Variants in HPSE2 observed in about 807,000 individuals in gnomAD.
HPSE2 encodes heparanase 2 (inactive), also known as inactive heparanase-2.
HPSE2 carries 38 observed loss-of-function variants against 60.5 expected under a neutral mutation model. The observed-to-expected ratio is 0.63, with a 90% confidence interval of 0.48 to 0.82. HPSE2 has a LOEUF of 0.82. Ranked by LOEUF, HPSE2 falls within the 40% of genes least tolerant of loss-of-function variation. The probability of loss-of-function intolerance (pLI) is 0.00; values close to 1 mark genes in which losing one functional copy is unlikely to be tolerated. For synonymous variants in HPSE2, 295 were observed against 293.2 expected (o/e 1.01, Z -0.06); for missense variants, 713 against 740.4 (o/e 0.96, Z 0.43).
At chr10:98,880,633 T>C (rs2134878537) in intron 3 of HPSE2, among the ~76,000 whole-genome samples, 1 of 152,164 alleles carries the variant, frequency 6.6e-6, no homozygotes, top group East Asian at 1.9e-4. Context: ...TCCTTTTGAT[T>C]ATCAAGTATA....
At chr10:98,699,767 T>G (rs1202437214) in intron 5 of HPSE2, among the ~76,000 whole-genome samples, 4 of 128,166 alleles carry the variant, frequency 3.1e-5, no homozygotes, top group African/African-American at 1.1e-4. Context: ...CAAAATCTCC[T>G]TAAGCTGATA....
At chr10:99,253,734 C>A in the HPSE2 span, among the ~76,000 whole-genome samples, 4 of 152,028 alleles carry the variant, frequency 2.6e-5, no homozygotes, top group Admixed American at 2.0e-4. Context: ...TATCCAGAAT[C>A]TATAAGGAAC....
At chr10:98,763,107 A>G (rs1049170418) in intron 3 of HPSE2, among the ~76,000 whole-genome samples, 1 of 152,108 alleles carries the variant, frequency 6.6e-6, no homozygotes, top group African/African-American at 2.4e-5. Context: ...ACAGAAGAAA[A>G]AAATCAATAA....
At chr10:98,462,123 A>C (rs1368351732) in intron 11 of HPSE2, among the ~76,000 whole-genome samples, 1 of 152,250 alleles carries the variant, frequency 6.6e-6, no homozygotes, top group Non-Finnish European at 1.5e-5. Context: ...CTTTGAAAGC[A>C]TAATGAACCA....
intron 3 of HPSE2, among the ~76,000 whole-genome samples, chr10:98,771,418 G>A (rs575521248): frequency 1.3e-5 from 2 of 152,218 alleles, no homozygotes; most frequent in South Asian, 4.1e-4. Context: ...TCCCTAATAA[G>A]AGGTAGCACC....
chr10:99,095,038 A>C (rs562541256), intron 3 of HPSE2, among the ~76,000 whole-genome samples: 1 of 152,118 alleles, frequency 6.6e-6, no homozygotes, highest in South Asian at 2.1e-4. Context: ...AAATTTAAAA[A>C]TTAGCTGAGT....
At chr10:99,155,712 A>G (rs1219811946) in intron 2 of HPSE2, among the ~76,000 whole-genome samples, 1 of 150,606 alleles carries the variant, frequency 6.6e-6, no homozygotes, top group East Asian at 2.0e-4. Flanking sequence ...GCAAGAGCAA[A>G]CACATTCAAA....
At chr10:98,936,451 T>A (rs774557898) in intron 3 of HPSE2, among the ~76,000 whole-genome samples, 2 of 143,062 alleles carry the variant, frequency 1.4e-5, no homozygotes, top group Admixed American at 7.0e-5. Flanking sequence ...AATCTCCTAA[T>A]CCCCAGATAG....
chr10:98,501,268 T>G (rs2133710320), intron 9 of HPSE2, among the ~76,000 whole-genome samples: 1 of 152,168 alleles, frequency 6.6e-6, no homozygotes, highest in East Asian at 1.9e-4. Flanking sequence ...ACCAATATCC[T>G]TGATGAACAT....
the HPSE2 span, among the ~76,000 whole-genome samples, chr10:99,268,906 G>C: frequency 7.0e-3 from 1,059 of 152,052 alleles, 12 homozygotes; most frequent in African/African-American, 0.024. Flanking sequence ...TGTAATCCCA[G>C]TACTTTTGGG....
intron 9 of HPSE2, among the ~76,000 whole-genome samples, chr10:98,577,570 C>T (rs1320891378): frequency 6.6e-6 from 1 of 152,224 alleles, no homozygotes; most frequent in African/African-American, 2.4e-5. Context: ...TTTGTCCTTG[C>T]TCTTCTGAGG....
chr10:99,093,052 A>G (rs1843573180), intron 3 of HPSE2, among the ~76,000 whole-genome samples: 1 of 152,070 alleles, frequency 6.6e-6, no homozygotes, highest in African/African-American at 2.4e-5. Context: ...ACATAGTGAA[A>G]CCGCATCTCT....
chr10:98,669,290 G>A (rs1947447635), intron 6 of HPSE2, among the ~76,000 whole-genome samples: 2 of 152,182 alleles, frequency 1.3e-5, no homozygotes, highest in African/African-American at 4.8e-5. Context: ...TTGTGGGAAC[G>A]CAAATCAGTT....
At chr10:98,911,149 A>G (rs17471911) in intron 3 of HPSE2, among the ~76,000 whole-genome samples, 6,806 of 152,300 alleles carry the variant, frequency 0.045, 219 homozygotes, top group Non-Finnish European at 0.072. Context: ...GACCTCAACA[A>G]ATGTGGCTGT....
At chr10:98,847,413 T>C (rs1348707061) in intron 3 of HPSE2, among the ~76,000 whole-genome samples, 1 of 152,222 alleles carries the variant, frequency 6.6e-6, no homozygotes, top group Non-Finnish European at 1.5e-5. Context: ...GAATTAACGC[T>C]AGAGAGGTTA....
At chr10:98,836,473 T>C (rs771322454) in intron 3 of HPSE2, among the ~76,000 whole-genome samples, 97 of 152,172 alleles carry the variant, frequency 6.4e-4, no homozygotes, top group Non-Finnish European at 9.3e-4. Flanking sequence ...AAAAAGTAGG[T>C]TCTCAGGAAA....
chr10:99,139,238 T>C (rs1346717561), intron 3 of HPSE2, among the ~76,000 whole-genome samples: 2 of 152,074 alleles, frequency 1.3e-5, no homozygotes, highest in Non-Finnish European at 2.9e-5. Context: ...AAGCTATGGG[T>C]TTGCAAAGGC....
rs559890068 is a variant in HPSE2 at position 99,102,107 on chromosome 10, C to A, written c.610+42131G>T. On this transcript the variant is annotated intron_variant, in intron 3 of 11. Transcript: ENST00000370552. Reference sequence around the variant, plus strand: ...AAGAGCAAACACATTCAAAAGCTAGCAGAAGGCAAGAAATAACTAAGATCA... The same window carrying A: ...AAGAGCAAACACATTCAAAAGCTAGAAGAAGGCAAGAAATAACTAAGATCA... 7.9e-5 allele frequency among the ~76,000 whole-genome samples: 12 copies of A among 152,234 alleles called. No individual in the cohort carries two copies. In the East Asian group the frequency reaches 2.3e-3, roughly 29 times the overall value.
intron 3 of HPSE2, among the ~76,000 whole-genome samples, chr10:99,105,587 T>C (rs553911193): frequency 1.3e-5 from 2 of 152,024 alleles, no homozygotes; most frequent in Non-Finnish European, 2.9e-5. Flanking sequence ...GTCTTTTTAT[T>C]TTCTTAATAG....
Sources: allele counts gnomAD v4.1 joint callset (sites outside exome capture counted in the v4.1 genomes callset), GRCh38; gene constraint gnomAD v4.1.1; transcripts MANE v1.5; gene names NCBI Gene and HGNC (gene_info 2026-07-23, HGNC 2026-07-21).